Variants in RPTOR observed in about 807,000 individuals in gnomAD.
The protein encoded by RPTOR is regulatory associated protein of MTOR complex 1, also known as regulatory-associated protein of mTOR.
RPTOR carries 21 observed loss-of-function variants against 169.9 expected under a neutral mutation model. The observed-to-expected ratio is 0.12, with a 90% CI of 0.09 to 0.18. The LOEUF is 0.18. RPTOR is among the 10% of genes least tolerant of loss of function. The pLI is 1.00. For synonymous variants in RPTOR, 732 were observed against 753.2 expected (o/e 0.97, Z 0.46); for missense variants, 1,133 against 1,855.9 (o/e 0.61, Z 7.16).
At chr17:80,950,119 G>A (rs1397397560) in intron 28 of RPTOR, among the ~76,000 whole-genome samples, 1 of 152,226 alleles carries the variant, frequency 6.6e-6, no homozygotes, top group Non-Finnish European at 1.5e-5. Flanking sequence ...TCAGGCAGGA[G>A]TTAGGAGGCT....
intron 21 of RPTOR, among the ~76,000 whole-genome samples, chr17:80,921,245 G>A (rs992144915): frequency 1.4e-4 from 21 of 152,240 alleles, no homozygotes; most frequent in African/African-American, 5.1e-4. Flanking sequence ...TGGCTGGAGC[G>A]CAGCCTGGGA....
At chr17:80,725,631 C>T (rs187646920) in intron 4 of RPTOR, among the ~76,000 whole-genome samples, 37 of 152,196 alleles carry the variant, frequency 2.4e-4, no homozygotes, top group African/African-American at 8.7e-4. Flanking sequence ...CCCCTGCAGC[C>T]GGGGCTGTGA....
At chr17:80,795,119 A>T (rs1330074829) in intron 7 of RPTOR, among the ~76,000 whole-genome samples, 1 of 152,162 alleles carries the variant, frequency 6.6e-6, no homozygotes, top group East Asian at 1.9e-4. Flanking sequence ...TGCAGAGCAG[A>T]TGCAGCACAC....
intron 13 of RPTOR, among the ~76,000 whole-genome samples, chr17:80,877,514 T>A (rs1043634304): frequency 2.0e-5 from 3 of 152,144 alleles, no homozygotes; most frequent in African/African-American, 7.2e-5. Context: ...TGCCTCAAAT[T>A]CAGAATTAGT....
chr17:80,793,071 A>G (rs1447507430), intron 7 of RPTOR, among the ~76,000 whole-genome samples: 1 of 152,182 alleles, frequency 6.6e-6, no homozygotes, highest in Non-Finnish European at 1.5e-5. Context: ...TCCGCTTCTC[A>G]AAGCGCCGGG....
intron 1 of RPTOR, among the ~76,000 whole-genome samples, chr17:80,571,299 CTGATT>C (rs2064903504): frequency 6.6e-6 from 1 of 152,124 alleles, no homozygotes; most frequent in South Asian, 2.1e-4. Context: ...CCTTTCTAGT[CTGATT>C]TGATTTCTTT....
intron 10 of RPTOR, among the ~76,000 whole-genome samples, chr17:80,846,067 C>T (rs2067726066): frequency 6.6e-6 from 1 of 152,246 alleles, no homozygotes; most frequent in African/African-American, 2.4e-5. Context: ...CCATGACTCC[C>T]AAGCGTGTCC....
intron 6 of RPTOR, among the ~76,000 whole-genome samples, chr17:80,782,046 G>A (rs899325249): frequency 6.6e-6 from 1 of 152,246 alleles, no homozygotes; most frequent in Non-Finnish European, 1.5e-5. Flanking sequence ...ATCTGCGCGA[G>A]GCGGCCCTGG....
chr17:80,909,945 T>C (rs1439337150), intron 21 of RPTOR: 1 of 152,218 alleles, frequency 6.6e-6, no homozygotes, highest in East Asian at 1.9e-4. Flanking sequence ...TCCTTTCTCT[T>C]TGGGGACTGT....
intron 1 of RPTOR, among the ~76,000 whole-genome samples, chr17:80,600,916 C>T (rs551507485): frequency 2.4e-4 from 19 of 77,784 alleles, no homozygotes; most frequent in African/African-American, 8.1e-4. Context: ...ACCGCAGCAG[C>T]GTCTCCCGCC....
chr17:80,940,625 C>T (rs963084091), intron 25 of RPTOR, 24 bp downstream of exon 25: 1 of 1,580,676 alleles, frequency 6.3e-7, no homozygotes, highest in Non-Finnish European at 8.6e-7. Context: ...CACAGCCAGC[C>T]AGGGGCTCAT....
At chr17:80,722,229 T>C (rs1262593243) in intron 4 of RPTOR, among the ~76,000 whole-genome samples, 1 of 151,178 alleles carries the variant, frequency 6.6e-6, no homozygotes, top group Non-Finnish European at 1.5e-5. Flanking sequence ...TGATAAGTTT[T>C]ATTTTTCCCT....
Position 80,957,637 on chromosome 17 carries a change from G to A in RPTOR, c.3384G>A (p.Val1128=), listed in dbSNP as rs138615659. Residue 1128 remains valine, a synonymous_variant, in exon 29 of 34, where the codon GTG becomes GTA. Transcript: ENST00000306801. This position sits in a 1 kb window ranked among gnomAD's most constrained non-coding sequence, Gnocchi z 4.6. ...GTATCTCTCCAGGAGCTGGGATGGTGGTGGACTGGGAGCAGGAGACCGGCC... is the reference window on the plus strand; with the variant it reads ...GTATCTCTCCAGGAGCTGGGATGGTAGTGGACTGGGAGCAGGAGACCGGCC... ...MLPTTRGAGM[V]VDWEQETGLL... is the part of the protein sequence containing the mutation. The A allele has an allele frequency of 1.1e-5, 18 of 1,614,010 alleles. No individual in the cohort carries two copies. In the African/African-American group the frequency reaches 1.9e-4, roughly 17 times the overall value.
At chr17:80,805,844 A>G (rs2067213110) in intron 7 of RPTOR, among the ~76,000 whole-genome samples, 1 of 152,094 alleles carries the variant, frequency 6.6e-6, no homozygotes, top group African/African-American at 2.4e-5. Flanking sequence ...GGAAGGGGCA[A>G]TAATTTGTCG....
chr17:80,966,152 C>T lies in RPTOR; in HGVS notation c.*1822C>T, dbSNP rs1160132233. On this transcript the variant is annotated 3_prime_UTR_variant, in exon 34 of 34. Coordinates refer to ENST00000306801, the MANE Select transcript of RPTOR (RefSeq NM_020761.3). ...GCCCCCGCTCCACCCTGGAGCCCAC[C>T]CCCATGGGCACCGCGTGCCGCCTGC... The T allele has an allele frequency of 4.3e-6, 1 of 230,832 alleles. No homozygotes were observed. The highest frequency in any genetic ancestry group is 6.1e-5 in the East Asian group (1 of 16,294). 14.3% of individuals were successfully genotyped at this position (230,832 alleles called of 1,614,324 possible). A position where few individuals can be genotyped will look rare whatever the true frequency, so the allele number is the denominator to read the frequency against.
At chr17:80,694,721 T>G (rs1187223713) in intron 3 of RPTOR, among the ~76,000 whole-genome samples, 5 of 152,192 alleles carry the variant, frequency 3.3e-5, no homozygotes, top group Non-Finnish European at 4.4e-5. Flanking sequence ...TTGGTCGGAG[T>G]TGCTGGGAAA....
chr17:80,711,744 C>CTTTTTTTTTTTTTTTTTTTTTTTTTT lies in RPTOR; in HGVS notation c.507+3761_507+3762insTTTTTTTTTTTTTTTTTTTTTTTTTT, dbSNP rs1226456124. 1.1e-3 allele frequency among the ~76,000 whole-genome samples: 96 copies of CTTTTTTTTTTTTTTTTTTTTTTTTTT among 88,818 alleles called. 27 individuals are homozygous for CTTTTTTTTTTTTTTTTTTTTTTTTTT. The highest frequency in any genetic ancestry group is 4.8e-3 in the African/African-American group (75 of 15,640). The allele number at this position is 88,818 out of a possible 152,430, so 58.3% of individuals were successfully genotyped here. On this transcript the variant is annotated intron_variant, in intron 4 of 33. Coordinates refer to ENST00000306801, the MANE Select transcript of RPTOR (RefSeq NM_020761.3). The stretch of plus-strand genomic sequence containing the variant: ...AGTTAACATATAGTTATACATCAGT[C>CTTTTTTTTTTTTTTTTTTTTTTTTTT]TTTTTTTTTTTTTTTTGAGGTTAAG...
intron 9 of RPTOR, among the ~76,000 whole-genome samples, chr17:80,831,440 C>T (rs1484357877): frequency 6.6e-6 from 1 of 152,256 alleles, no homozygotes; most frequent in Admixed American, 6.5e-5. Flanking sequence ...CTCTTAGACA[C>T]TCTCACCACG....
At chr17:80,682,784 T>C (rs2065908289) in intron 3 of RPTOR, among the ~76,000 whole-genome samples, 1 of 147,238 alleles carries the variant, frequency 6.8e-6, no homozygotes, top group Non-Finnish European at 1.5e-5. Context: ...TGTGTTCTAA[T>C]TTGTTTCCTT....
Sources: gnomAD v4.1 joint callset for allele counts (sites outside exome capture counted in the v4.1 genomes callset) on GRCh38, gnomAD v4.1.1 for gene constraint, Gnocchi (gnomAD v3.1) non-coding constraint, MANE v1.5 for transcripts, NCBI Gene and HGNC (gene_info 2026-07-23, HGNC 2026-07-21) for gene names.